The following DESI2 variants were observed in gnomAD, a reference collection of about 807,000 sequenced individuals.
The protein encoded by DESI2 is deubiquitinase DESI2.
In DESI2, 10 loss-of-function variants were observed where a neutral mutation model predicts 24.1. The observed-to-expected ratio is 0.41, with a 90% CI of 0.26 to 0.70. The LOEUF is 0.70. Among genes scored for constraint, DESI2 ranks in the 30% least tolerant of loss-of-function variants. The probability of loss-of-function intolerance (pLI) is 0.29; values close to 1 mark genes in which losing one functional copy is unlikely to be tolerated. For missense variants in DESI2, 122 were observed against 234.9 expected (o/e 0.52, Z 3.14); for synonymous variants, 71 against 87.7 (o/e 0.81, Z 1.06).
intron 1 of DESI2, 83 bp downstream of exon 1, chr1:244,653,438 G>C (rs988612669): frequency 4.3e-6 from 6 of 1,405,096 alleles, no homozygotes; most frequent in Non-Finnish European, 5.7e-6. Context: ...GGCCCCAGGC[G>C]CTTCCTGCCT....
At chr1:244,687,736 T>G (rs184970187) in intron 2 of DESI2, among the ~76,000 whole-genome samples, 42 of 152,350 alleles carry the variant, frequency 2.8e-4, no homozygotes, top group Middle Eastern at 3.4e-3. Flanking sequence ...ATCTACCAAA[T>G]AATCCCAGGA....
rs1035277399 is a variant in DESI2 at position 244,689,840 on chromosome 1, C to T, written c.209+498C>T. On this transcript the variant is annotated intron_variant, in intron 3 of 4. Coordinates refer to ENST00000302550, the MANE Select transcript of DESI2 (RefSeq NM_016076.5). The surrounding 1 kb of genome is among the most constrained non-coding windows in gnomAD (Gnocchi z 4.0). ...AACTCCTTTCTAATGATTTCTTCCC[C>T]TCAATCTCCTGTTTGAAAGGAGAAA... 6.6e-6 allele frequency among the ~76,000 whole-genome samples: 1 copy of T among 152,182 alleles called. No homozygotes were observed. The highest frequency in any genetic ancestry group is 2.1e-4 in the South Asian group (1 of 4,828).
In DESI2 at chr1:244,707,050, C is replaced by G. The variant is rs1677734592; in HGVS notation, c.*1261C>G. 1 of 152,628 alleles carries G rather than the reference C, an allele frequency of 6.6e-6. No homozygotes were observed. Among genetic ancestry groups the G allele is most frequent in the African/African-American group, 2.4e-5 (1 of 41,452 alleles). 9.5% of individuals were successfully genotyped at this position (152,628 alleles called of 1,614,324 possible). ...TGATCCTTGGATGTAAGAACCAAGT[C>G]ATTACATGTCAAATTCAATTTTTCT... On this transcript the variant is annotated 3_prime_UTR_variant, in exon 5 of 5. Coordinates refer to ENST00000302550, the MANE Select transcript of DESI2 (RefSeq NM_016076.5).
chr1:244,684,349 A>G (rs1266252861), intron 1 of DESI2, among the ~76,000 whole-genome samples: 1 of 152,098 alleles, frequency 6.6e-6, no homozygotes, highest in Non-Finnish European at 1.5e-5. Context: ...TTAGTCCTCC[A>G]CTCCCACCCT....
At chr1:244,668,749 C>T (rs916430386) in intron 1 of DESI2, among the ~76,000 whole-genome samples, 18 of 152,124 alleles carry the variant, frequency 1.2e-4, no homozygotes, top group African/African-American at 3.6e-4. Flanking sequence ...GTTTAATGAA[C>T]GTTCTCTATC....
rs1676956851 is a variant in DESI2, at chr1:244,689,774, T to G, written c.209+432T>G. Among the ~76,000 whole-genome samples, 1 of 152,102 alleles carries G rather than the reference T, an allele frequency of 6.6e-6. No homozygotes were observed. On this transcript the variant is annotated intron_variant, in intron 3 of 4. Coordinates refer to ENST00000302550, the MANE Select transcript of DESI2 (RefSeq NM_016076.5). This position sits in a 1 kb window ranked among gnomAD's most constrained non-coding sequence, Gnocchi z 4.0. ...ATCCACCTGCCTCGGCCTCCCAAAGTGCTGGGATTACAGGCGTGAGCCACC... is the reference window on the plus strand; with the variant it reads ...ATCCACCTGCCTCGGCCTCCCAAAGGGCTGGGATTACAGGCGTGAGCCACC...
At chr1:244,664,490 A>G (rs1675975186) in intron 1 of DESI2, among the ~76,000 whole-genome samples, 1 of 152,264 alleles carries the variant, frequency 6.6e-6, no homozygotes, top group Non-Finnish European at 1.5e-5. Context: ...TCAGGCCTGT[A>G]ATCCCAGCAC....
intron 4 of DESI2, 60 bp from the exon 5 acceptor site, chr1:244,705,496 G>A: frequency 6.8e-7 from 1 of 1,464,810 alleles, no homozygotes; most frequent in Non-Finnish European, 9.5e-7. Flanking sequence ...CCACTCCCTG[G>A]CAGTGGACCA....
chr1:244,670,012 G>A (rs754477462), intron 1 of DESI2, among the ~76,000 whole-genome samples: 16 of 150,968 alleles, frequency 1.1e-4, no homozygotes, highest in South Asian at 2.1e-4. Context: ...GCTGGAGTGC[G>A]ATGGCACAAT....
chr1:244,653,321 C>T lies in DESI2; in HGVS notation c.8C>T (p.Ala3Val), dbSNP rs1442259260. 5 of 1,518,952 alleles carry T rather than the reference C, an allele frequency of 3.3e-6. No individual in the cohort carries two copies. The highest frequency in any genetic ancestry group is 8.8e-7 in the Non-Finnish European group (1 of 1,140,770). 94.1% of individuals were successfully genotyped at this position (1,518,952 alleles called of 1,614,324 possible). The change falls in exon 1 of 5, where the codon GCT becomes GTT. Residue 3 changes from alanine to valine, a missense_variant. Transcript: ENST00000302550. ...GCGGCCGCGGGGAGGAGGATGGGGGCTAACCAGTTAGTGGTGCTCAACGTG... is the reference window on the plus strand; with the variant it reads ...GCGGCCGCGGGGAGGAGGATGGGGGTTAACCAGTTAGTGGTGCTCAACGTG... Reference protein sequence around the residue: MGANQLVVLNVYD... With the variant: MGVNQLVVLNVYD...
chr1:244,698,752 G>T (rs534790076), intron 4 of DESI2, among the ~76,000 whole-genome samples: 1 of 152,276 alleles, frequency 6.6e-6, no homozygotes, highest in South Asian at 2.1e-4. Flanking sequence ...CCTCTGTGGG[G>T]CTCTTCACTA....
intron 1 of DESI2, among the ~76,000 whole-genome samples, chr1:244,674,410 G>T (rs1676348425): frequency 1.3e-5 from 2 of 149,340 alleles, no homozygotes; most frequent in African/African-American, 4.9e-5. Flanking sequence ...GTACAATTCA[G>T]TGAATTTTAG....
intron 1 of DESI2, among the ~76,000 whole-genome samples, chr1:244,660,167 T>TCA (rs1675790210): frequency 1.3e-5 from 2 of 151,840 alleles, no homozygotes; most frequent in African/African-American, 4.8e-5. Flanking sequence ...TTTTTGTTGT[T>TCA]GTTTTGTTGT....
chr1:244,679,785 C>T (rs573763455), intron 1 of DESI2, among the ~76,000 whole-genome samples: 104 of 147,408 alleles, frequency 7.1e-4, no homozygotes, highest in African/African-American at 2.5e-3. Flanking sequence ...AAGAATCGCT[C>T]GAACCTGGGA....
chr1:244,653,547 C>T (rs772894687), intron 1 of DESI2, 192 bp downstream of exon 1: 6 of 566,260 alleles, frequency 1.1e-5, no homozygotes, highest in Non-Finnish European at 1.5e-5. Flanking sequence ...CTCCGGTGAA[C>T]CCAGTCAGCC....
At chr1:244,679,729 G>A (rs889234298) in intron 1 of DESI2, among the ~76,000 whole-genome samples, 3 of 152,060 alleles carry the variant, frequency 2.0e-5, no homozygotes, top group African/African-American at 7.2e-5. Flanking sequence ...AAATTATCCA[G>A]GTATTTCAGC....
At chr1:244,685,315 AT>A (rs1676781415) in intron 1 of DESI2, among the ~76,000 whole-genome samples, 1 of 152,136 alleles carries the variant, frequency 6.6e-6, no homozygotes, top group Admixed American at 6.5e-5. Context: ...TATACATGAA[AT>A]TTATGCATAA....
At chr1:244,691,802 A>T in intron 3 of DESI2, 77 bp from the exon 4 acceptor site, 1 of 1,187,688 alleles carries the variant, frequency 8.4e-7, no homozygotes, top group Non-Finnish European at 1.2e-6. Flanking sequence ...GCAAGTATTT[A>T]AACATGCTTT....
At chr1:244,684,845 A>G (rs889385706) in intron 1 of DESI2, among the ~76,000 whole-genome samples, 8 of 152,222 alleles carry the variant, frequency 5.3e-5, no homozygotes, top group African/African-American at 1.9e-4. Context: ...AAGTATACTC[A>G]TATCTGAACT....
Sources: allele counts gnomAD v4.1 joint callset (sites outside exome capture counted in the v4.1 genomes callset), GRCh38; gene constraint gnomAD v4.1.1; non-coding constraint Gnocchi (gnomAD v3.1); transcripts MANE v1.5; gene names NCBI Gene and HGNC (gene_info 2026-07-23, HGNC 2026-07-21).